GRM5: variants seen among roughly 807,000 people sequenced by gnomAD.
GRM5 encodes metabotropic glutamate receptor 5.
Under a neutral mutation model 83.1 loss-of-function variants are expected in GRM5, and 19 were observed. The observed-to-expected ratio is 0.23, with a 90% confidence interval of 0.16 to 0.34. GRM5 has a LOEUF of 0.34. GRM5 is among the 10% of genes least tolerant of loss of function. The pLI is 1.00. For missense variants in GRM5, 1,160 were observed against 1,588.3 expected (o/e 0.73, Z 4.58); for synonymous variants, 675 against 633.6 (o/e 1.07, Z -0.98).
chr11:88,781,496 C>T (rs948152980), intron 3 of GRM5, among the ~76,000 whole-genome samples: 1 of 152,136 alleles, frequency 6.6e-6, no homozygotes, highest in African/African-American at 2.4e-5. Flanking sequence ...TGGATGTACA[C>T]TTAAAGGAGG....
In GRM5 at chr11:88,507,775, A is replaced by G. The variant is rs941629680; in HGVS notation, c.*817T>C. Reference sequence around the variant, plus strand: ...CCCAGTGAGGGAATTACAAAACAGTATTCCAGAAAATATTTTTTTTGCTAC... The same window carrying G: ...CCCAGTGAGGGAATTACAAAACAGTGTTCCAGAAAATATTTTTTTTGCTAC... On this transcript the variant is annotated 3_prime_UTR_variant, in exon 10 of 10. Coordinates refer to ENST00000305447, the MANE Select transcript of GRM5 (RefSeq NM_001143831.3). The G allele has an allele frequency of 1.3e-5, 2 of 152,782 alleles. No individual in the cohort carries two copies. The highest frequency in any genetic ancestry group is 6.5e-5 in the Admixed American group (1 of 15,312). The allele number at this position is 152,782 out of a possible 1,614,324, so 9.5% of individuals were successfully genotyped here.
intron 2 of GRM5, among the ~76,000 whole-genome samples, chr11:88,912,992 T>G (rs1945525236): frequency 6.6e-6 from 1 of 152,202 alleles, no homozygotes; most frequent in African/African-American, 2.4e-5. Flanking sequence ...TGTTGCTATT[T>G]TAATATTCTT....
At chr11:88,701,394 G>C (rs1006818625) in intron 3 of GRM5, among the ~76,000 whole-genome samples, 1 of 152,126 alleles carries the variant, frequency 6.6e-6, no homozygotes, top group Non-Finnish European at 1.5e-5. Context: ...GTCACAATTA[G>C]ATAAGCGATC....
At chr11:88,931,066 T>C (rs1486341324) in intron 2 of GRM5, among the ~76,000 whole-genome samples, 1 of 40,436 alleles carries the variant, frequency 2.5e-5, no homozygotes, top group African/African-American at 7.3e-5. Flanking sequence ...GAGGACATTC[T>C]TTTAATGAGA....
intron 3 of GRM5, among the ~76,000 whole-genome samples, chr11:88,689,997 A>T (rs926424312): frequency 6.6e-6 from 1 of 152,204 alleles, no homozygotes; most frequent in African/African-American, 2.4e-5. Context: ...GAATCAAAAT[A>T]AACTGTCCTT....
intron 3 of GRM5, among the ~76,000 whole-genome samples, chr11:88,798,811 A>AAC (rs1456454111): frequency 7.2e-6 from 1 of 137,998 alleles, no homozygotes; most frequent in Non-Finnish European, 1.5e-5. Context: ...ACACCAAAAA[A>AAC]AAAAAAAAAA....
chr11:88,771,358 T>G (rs1275720126), intron 3 of GRM5, among the ~76,000 whole-genome samples: 1 of 152,064 alleles, frequency 6.6e-6, no homozygotes, highest in African/African-American at 2.4e-5. Context: ...TCCAACAGCC[T>G]AAAAGTACGG....
chr11:88,871,147 T>G (rs1214306555), intron 2 of GRM5, among the ~76,000 whole-genome samples: 1 of 151,664 alleles, frequency 6.6e-6, no homozygotes, highest in African/African-American at 2.4e-5. Context: ...TAAGCTTTTA[T>G]GCACATAATC....
intron 3 of GRM5, among the ~76,000 whole-genome samples, chr11:88,841,946 C>T (rs1265731961): frequency 6.6e-6 from 1 of 152,138 alleles, no homozygotes; most frequent in Non-Finnish European, 1.5e-5. Flanking sequence ...ACTCATAATA[C>T]TTGAGATCAT....
chr11:88,783,489 G>T (rs182172823), intron 3 of GRM5, among the ~76,000 whole-genome samples: 1 of 152,130 alleles, frequency 6.6e-6, no homozygotes, highest in Non-Finnish European at 1.5e-5. Flanking sequence ...TGTCAGAGCT[G>T]TAATTGGAAT....
At chr11:88,514,858 G>A (rs1444352765) in intron 9 of GRM5, among the ~76,000 whole-genome samples, 1 of 152,072 alleles carries the variant, frequency 6.6e-6, no homozygotes, top group Non-Finnish European at 1.5e-5. Flanking sequence ...TTGCATATAT[G>A]GAAAGGAAAC....
At chr11:88,796,458 T>C (rs1421476527) in intron 3 of GRM5, among the ~76,000 whole-genome samples, 1 of 152,196 alleles carries the variant, frequency 6.6e-6, no homozygotes, top group Non-Finnish European at 1.5e-5. Context: ...AAAGACATAA[T>C]TTAAAATATA....
At chr11:89,054,276 G>A (rs1245984249) in intron 1 of GRM5, among the ~76,000 whole-genome samples, 2 of 152,138 alleles carry the variant, frequency 1.3e-5, no homozygotes, top group Non-Finnish European at 1.5e-5. Flanking sequence ...TAGAGCTGAC[G>A]TAGGATGTTG....
chr11:88,927,518 A>G (rs1475133042), intron 2 of GRM5, among the ~76,000 whole-genome samples: 1 of 152,176 alleles, frequency 6.6e-6, no homozygotes, highest in Non-Finnish European at 1.5e-5. Flanking sequence ...TTTCTACCAC[A>G]AAAGATAGCA....
intron 3 of GRM5, among the ~76,000 whole-genome samples, chr11:88,809,086 T>C (rs527830257): frequency 1.2e-4 from 19 of 152,180 alleles, no homozygotes; most frequent in African/African-American, 4.1e-4. Context: ...ATTTTATTTC[T>C]TTTTTAATTC....
At chr11:88,737,666 T>G (rs1180821961) in intron 3 of GRM5, among the ~76,000 whole-genome samples, 2 of 152,028 alleles carry the variant, frequency 1.3e-5, no homozygotes, top group African/African-American at 2.4e-5. Context: ...TTTTGTGATA[T>G]TTTTTCATCA....
intron 4 of GRM5, among the ~76,000 whole-genome samples, chr11:88,647,191 G>C (rs1038004388): frequency 6.6e-6 from 1 of 151,904 alleles, no homozygotes; most frequent in African/African-American, 2.4e-5. Context: ...CGAATTAGGG[G>C]CCTACCCTAC....
At chr11:88,616,431 A>G (rs1320976207) in intron 4 of GRM5, among the ~76,000 whole-genome samples, 1 of 141,510 alleles carries the variant, frequency 7.1e-6, no homozygotes, top group Non-Finnish European at 1.5e-5. Flanking sequence ...GAAACATTAC[A>G]ATCTGATTTT....
At position 88,772,624 on chromosome 11, in the gene GRM5, A is replaced by G. The variant is rs181884474; in HGVS notation, c.911+77282T>C. On this transcript the variant is annotated intron_variant, in intron 3 of 9. Transcript: ENST00000305447. ...AGCCCCCCATACCCCTACAGGCCTCAGTGTGTGATGTTCCCCGCGCTGTGT... is the reference window on the plus strand; with the variant it reads ...AGCCCCCCATACCCCTACAGGCCTCGGTGTGTGATGTTCCCCGCGCTGTGT... 1.6e-3 allele frequency among the ~76,000 whole-genome samples: 246 copies of G among 151,716 alleles called. 1 individual carries two copies. The highest frequency in any genetic ancestry group is 5.7e-3 in the African/African-American group (234 of 41,338).
Sources: gnomAD v4.1 joint callset for allele counts (sites outside exome capture counted in the v4.1 genomes callset) on GRCh38, gnomAD v4.1.1 for gene constraint, MANE v1.5 for transcripts, NCBI Gene and HGNC (gene_info 2026-07-23, HGNC 2026-07-21) for gene names.